KAZN: variants seen among roughly 807,000 people sequenced by gnomAD.
KAZN encodes the protein kazrin.
A neutral mutation model predicts 87.4 loss-of-function variants in KAZN; 40 were observed. The observed-to-expected ratio is 0.46, with a 90% CI of 0.36 to 0.60. The LOEUF (loss-of-function observed/expected upper bound fraction) is 0.60. KAZN is among the 20% of genes least tolerant of loss of function. The probability of loss-of-function intolerance (pLI) is 0.00; values close to 1 mark genes in which losing one functional copy is unlikely to be tolerated. For synonymous variants in KAZN, 466 were observed against 458.3 expected (o/e 1.02, Z -0.22); for missense variants, 898 against 1,073.9 (o/e 0.84, Z 2.29).
intron 2 of KAZN, among the ~76,000 whole-genome samples, chr1:14,489,064 T>G (rs1048941259): frequency 2.6e-5 from 4 of 152,222 alleles, no homozygotes; most frequent in African/African-American, 9.7e-5. Context: ...TAGAGTTAAC[T>G]TCTGTCCCAC....
intron 1 of KAZN, among the ~76,000 whole-genome samples, chr1:14,656,942 A>G (rs2148707492): frequency 6.6e-6 from 1 of 152,334 alleles, no homozygotes; most frequent in African/African-American, 2.4e-5. Flanking sequence ...AGGCCAGGAA[A>G]CTGAAGTTGG....
At chr1:14,690,053 G>A (rs1003779316) in intron 1 of KAZN, among the ~76,000 whole-genome samples, 1 of 152,032 alleles carries the variant, frequency 6.6e-6, no homozygotes, top group Admixed American at 6.6e-5. Context: ...TCCCTTTATG[G>A]CCAAAGCAAC....
At chr1:14,668,125 C>A (rs10927493) in intron 1 of KAZN, among the ~76,000 whole-genome samples, 36,621 of 152,066 alleles carry the variant, frequency 0.24, 4,472 homozygotes, top group Middle Eastern at 0.36. Context: ...TAAATAAATT[C>A]TTCCACTATT....
At chr1:14,135,712 A>G (rs1413566761) in intron 1 of KAZN, among the ~76,000 whole-genome samples, 1 of 152,158 alleles carries the variant, frequency 6.6e-6, no homozygotes, top group Non-Finnish European at 1.5e-5. Flanking sequence ...TCCTCTGTTC[A>G]TTGGCTCCAA....
At chr1:14,727,967 C>T (rs1013620288) in intron 1 of KAZN, among the ~76,000 whole-genome samples, 3 of 151,892 alleles carry the variant, frequency 2.0e-5, no homozygotes, top group South Asian at 2.1e-4. Flanking sequence ...ATGCGCAGTT[C>T]GCAATAGGGT....
chr1:14,322,049 C>G (rs2100841898), intron 2 of KAZN, among the ~76,000 whole-genome samples: 1 of 152,214 alleles, frequency 6.6e-6, no homozygotes, highest in South Asian at 2.1e-4. Context: ...TGTGAAGACT[C>G]AGGACTTAAT....
chr1:13,912,607 G>A (rs1383938757), intron 1 of KAZN, among the ~76,000 whole-genome samples: 1 of 141,646 alleles, frequency 7.1e-6, no homozygotes, highest in African/African-American at 2.5e-5. Flanking sequence ...CCTACCTAAT[G>A]CAATTCTTTT....
chr1:15,071,461 G>T (rs900387459), intron 8 of KAZN, among the ~76,000 whole-genome samples: 5 of 152,062 alleles, frequency 3.3e-5, no homozygotes, highest in Admixed American at 3.3e-4. Context: ...TGCCATGTTG[G>T]CCAGGCTGAT....
intron 2 of KAZN, among the ~76,000 whole-genome samples, chr1:14,468,831 C>T (rs867005081): frequency 2.4e-4 from 37 of 152,148 alleles, no homozygotes; most frequent in African/African-American, 8.7e-4. Flanking sequence ...CATCGTCAAC[C>T]GTTTGCAAGA....
intron 2 of KAZN, among the ~76,000 whole-genome samples, chr1:14,985,281 CCAAGG>C (rs1557686967): frequency 1.4e-5 from 2 of 145,330 alleles, no homozygotes; most frequent in African/African-American, 5.3e-5. Context: ...AGGTGGGAGG[CCAAGG>C]TGGGAGGCCA....
intron 2 of KAZN, among the ~76,000 whole-genome samples, chr1:14,202,476 G>T (rs183606824): frequency 9.2e-5 from 14 of 152,316 alleles, no homozygotes; most frequent in Admixed American, 4.6e-4. Flanking sequence ...AGGGCTCTGT[G>T]ATACCCCAGG....
chr1:14,884,441 C>T (rs1283706786), intron 1 of KAZN, among the ~76,000 whole-genome samples: 1 of 152,100 alleles, frequency 6.6e-6, no homozygotes, highest in Non-Finnish European at 1.5e-5. Flanking sequence ...CATTTTCTAC[C>T]GTGCCACTGA....
intron 2 of KAZN, among the ~76,000 whole-genome samples, chr1:14,362,270 T>C (rs746197935): frequency 1.1e-4 from 17 of 152,212 alleles, no homozygotes; most frequent in Non-Finnish European, 2.4e-4. Context: ...GTTTCTTGCA[T>C]GTTCTTGGAC....
intron 1 of KAZN, among the ~76,000 whole-genome samples, chr1:14,664,703 G>T (rs1639409736): frequency 6.6e-6 from 1 of 150,532 alleles, no homozygotes; most frequent in East Asian, 2.0e-4. Flanking sequence ...ACCCAGGCTG[G>T]AGTGCATTGG....
intron 2 of KAZN, among the ~76,000 whole-genome samples, chr1:14,243,700 A>G (rs1238223807): frequency 6.6e-6 from 1 of 152,252 alleles, no homozygotes; most frequent in Admixed American, 6.5e-5. Flanking sequence ...TGCCTGCTCT[A>G]TGAAACAGTT....
chr1:14,864,286 C>T (rs1310570640), intron 1 of KAZN, among the ~76,000 whole-genome samples: 2 of 152,290 alleles, frequency 1.3e-5, no homozygotes, highest in Admixed American at 6.5e-5. Flanking sequence ...ACATGGGGGC[C>T]GGGCGCGGTG....
intron 1 of KAZN, among the ~76,000 whole-genome samples, chr1:14,026,636 T>G (rs964084333): frequency 3.3e-5 from 5 of 151,802 alleles, no homozygotes; most frequent in African/African-American, 1.2e-4. Flanking sequence ...TTTCTTAGCC[T>G]TTAATGTGCT....
At chr1:15,034,066 T>C (rs1341855874) in intron 2 of KAZN, among the ~76,000 whole-genome samples, 1 of 152,160 alleles carries the variant, frequency 6.6e-6, no homozygotes, top group African/African-American at 2.4e-5. Flanking sequence ...TCCTGTTCTT[T>C]TTATTATTGA....
At chr1:14,587,846 G>A (rs368053498) in intron 2 of KAZN, among the ~76,000 whole-genome samples, 2 of 152,014 alleles carry the variant, frequency 1.3e-5, no homozygotes, top group East Asian at 1.9e-4. Context: ...CCCCTTCTAC[G>A]CACCTCCCCA....
Sources: allele counts gnomAD v4.1 joint callset (sites outside exome capture counted in the v4.1 genomes callset), GRCh38; gene constraint gnomAD v4.1.1; transcripts MANE v1.5; gene names NCBI Gene and HGNC (gene_info 2026-07-23, HGNC 2026-07-21).